The following TAMM41 variants were observed in gnomAD, a reference collection of about 807,000 sequenced individuals.
TAMM41 encodes TAM41 mitochondrial translocator assembly and maintenance homolog, also known as phosphatidate cytidylyltransferase, mitochondrial.
TAMM41 carries 36 observed loss-of-function variants against 44.1 expected under a neutral mutation model. That is an observed-to-expected ratio of 0.82 (90% CI 0.63 to 1.08). TAMM41 has a LOEUF of 1.08. Ranked by LOEUF, TAMM41 falls within the 50% of genes least tolerant of loss-of-function variation. TAMM41 has a pLI of 0.00. For synonymous variants in TAMM41, 164 were observed against 153.1 expected, an observed-to-expected ratio of 1.07 and a Z score of -0.53; for missense variants, 417 against 404.3, an observed-to-expected ratio of 1.03 and a Z score of -0.27.
the TAMM41 span, among the ~76,000 whole-genome samples, chr3:11,779,200 C>G: frequency 6.6e-6 from 1 of 152,210 alleles, no homozygotes; most frequent in South Asian, 2.1e-4. Flanking sequence ...CCTTCCCCAT[C>G]TGCCATGAGT....
intron 1 of TAMM41, chr3:11,844,848 T>G (rs2079604820): frequency 2.2e-6 from 1 of 451,458 alleles, no homozygotes. Context: ...ATAAACAAAT[T>G]ATCACTACAT....
intron 5 of TAMM41, among the ~76,000 whole-genome samples, chr3:11,813,829 T>TGC (rs2078170115): frequency 2.5e-5 from 1 of 40,420 alleles, no homozygotes; most frequent in Admixed American, 3.2e-4. Context: ...TACAAATATA[T>TGC]GTGTGTGTGT....
chr3:11,723,956 G>A, the TAMM41 span, among the ~76,000 whole-genome samples: 1 of 152,022 alleles, frequency 6.6e-6, no homozygotes, highest in Non-Finnish European at 1.5e-5. Flanking sequence ...TTGAAGCTGA[G>A]GATGGGTACA....
At chr3:11,726,108 T>C in the TAMM41 span, among the ~76,000 whole-genome samples, 1 of 152,238 alleles carries the variant, frequency 6.6e-6, no homozygotes, top group African/African-American at 2.4e-5. Context: ...TCGTAGTACA[T>C]ATAGACATCT....
At chr3:11,752,912 C>T in the TAMM41 span, among the ~76,000 whole-genome samples, 2 of 151,772 alleles carry the variant, frequency 1.3e-5, no homozygotes, top group Admixed American at 1.3e-4. Flanking sequence ...GCCTTAGCCT[C>T]CCAAACTGCT....
intron 7 of TAMM41, among the ~76,000 whole-genome samples, chr3:11,802,357 T>A (rs2077779084): frequency 1.3e-5 from 2 of 150,348 alleles, no homozygotes; most frequent in African/African-American, 2.5e-5. Context: ...CAATCAGAAA[T>A]GAAAAAGGAG....
the TAMM41 span, among the ~76,000 whole-genome samples, chr3:11,766,704 C>A: frequency 6.6e-6 from 1 of 151,292 alleles, no homozygotes; most frequent in Admixed American, 6.6e-5. Context: ...GTAGCTGGGA[C>A]CAGGTGTGTG....
intron 7 of TAMM41, among the ~76,000 whole-genome samples, chr3:11,805,350 T>C (rs1449319981): frequency 2.6e-5 from 4 of 152,162 alleles, no homozygotes; most frequent in Non-Finnish European, 5.9e-5. Flanking sequence ...TTGCCCAGGC[T>C]GATCTCAAAC....
chr3:11,750,053 C>T, the TAMM41 span, among the ~76,000 whole-genome samples: 31 of 151,462 alleles, frequency 2.0e-4, no homozygotes, highest in South Asian at 8.4e-4. Context: ...CCTGCCACCA[C>T]GCCCGGCTAA....
chr3:11,763,734 T>A, the TAMM41 span, among the ~76,000 whole-genome samples: 1 of 152,170 alleles, frequency 6.6e-6, no homozygotes, highest in Non-Finnish European at 1.5e-5. Flanking sequence ...TAACACATGA[T>A]GAAACTGAAG....
At chr3:11,773,773 T>C in the TAMM41 span, among the ~76,000 whole-genome samples, 3 of 152,178 alleles carry the variant, frequency 2.0e-5, no homozygotes, top group Admixed American at 6.5e-5. Context: ...TAAATTGTGG[T>C]TCATACAATG....
chr3:11,742,921 T>C, the TAMM41 span, among the ~76,000 whole-genome samples: 1 of 152,120 alleles, frequency 6.6e-6, no homozygotes, highest in Non-Finnish European at 1.5e-5. Flanking sequence ...AACCCCTTCC[T>C]ATGACTGGGG....
At chr3:11,727,816 T>G in the TAMM41 span, among the ~76,000 whole-genome samples, 3 of 149,356 alleles carry the variant, frequency 2.0e-5, no homozygotes, top group South Asian at 6.4e-4. Flanking sequence ...AGACAGAGTC[T>G]AGCTCTGTTG....
the TAMM41 span, among the ~76,000 whole-genome samples, chr3:11,723,288 T>TAAC: frequency 1.3e-5 from 2 of 151,942 alleles, no homozygotes; most frequent in Admixed American, 1.3e-4. Flanking sequence ...TCTATTAAAA[T>TAAC]AACTACCTAG....
At chr3:11,759,783 G>A in the TAMM41 span, among the ~76,000 whole-genome samples, 12 of 152,160 alleles carry the variant, frequency 7.9e-5, no homozygotes, top group East Asian at 1.9e-3. Flanking sequence ...AGACTAGCCT[G>A]GCCAACATGG....
intron 4 of TAMM41, among the ~76,000 whole-genome samples, chr3:11,827,588 G>A (rs368980583): frequency 6.9e-6 from 1 of 144,660 alleles, no homozygotes. Context: ...GGATTACAGG[G>A]CCACCACAGC....
chr3:11,743,055 G>A, the TAMM41 span, among the ~76,000 whole-genome samples: 8 of 152,150 alleles, frequency 5.3e-5, no homozygotes, highest in South Asian at 2.1e-4. Flanking sequence ...AAGATTTTAC[G>A]CAGAAGTGAG....
At position 11,844,169 on chromosome 3, in the gene TAMM41, C is replaced by T. The variant is rs374882230; in HGVS notation, c.178G>A (p.Ala60Thr). Residue 60 changes from alanine (A) to threonine (T), a missense_variant, in exon 2 of 8, where the codon GCA (alanine) becomes ACA (threonine). Ala to Thr is a moderately conservative substitution (Grantham distance 58). Transcript: ENST00000455809. ...TTCTTCAGGTTCTTTGAATGCCATGCGACAGGGTCATCTACTGTGAACACA... is the reference window on the plus strand; with the variant it reads ...TTCTTCAGGTTCTTTGAATGCCATGTGACAGGGTCATCTACTGTGAACACA... ...DFVFTVDDPV[A>T]WHSKNLKKNW... The T allele has an allele frequency of 5.0e-6, 8 of 1,613,982 alleles. No individual in the cohort carries two copies. The African/African-American group carries it at 5.3e-5, about 11-fold the overall frequency.
At chr3:11,846,271 CCTAA>C (rs2079682975) in intron 1 of TAMM41, among the ~76,000 whole-genome samples, 2 of 152,230 alleles carry the variant, frequency 1.3e-5, no homozygotes, top group Admixed American at 6.5e-5. Flanking sequence ...TTTCCTTCTG[CCTAA>C]CTGCTTCTCC....
Sources: allele counts gnomAD v4.1 joint callset (sites outside exome capture counted in the v4.1 genomes callset), GRCh38; gene constraint gnomAD v4.1.1; transcripts MANE v1.5; gene names NCBI Gene and HGNC (gene_info 2026-07-23, HGNC 2026-07-21).